Variants in GRXCR1 observed in about 807,000 individuals in gnomAD.
The protein encoded by GRXCR1 is glutaredoxin and cysteine rich domain containing 1, also known as glutaredoxin domain-containing cysteine-rich protein 1.
In GRXCR1, 27 loss-of-function variants were observed where a neutral mutation model predicts 27.3. The observed-to-expected ratio is 0.99, with a 90% CI of 0.73 to 1.37. The LOEUF (loss-of-function observed/expected upper bound fraction) is 1.37, where lower values mean the gene tolerates loss of function less well. Among genes scored for constraint, GRXCR1 ranks in the 40% most tolerant of loss-of-function variants. The pLI, the probability that GRXCR1 is intolerant of heterozygous loss-of-function variation, is 0.00. For synonymous variants in GRXCR1, 122 were observed against 131.1 expected, an observed-to-expected ratio of 0.93 and a Z score of 0.47; for missense variants, 379 against 354.4, an observed-to-expected ratio of 1.07 and a Z score of -0.56.
chr4:42,988,362 A>C (rs769146964), intron 2 of GRXCR1, among the ~76,000 whole-genome samples: 9 of 152,226 alleles, frequency 5.9e-5, no homozygotes, highest in Non-Finnish European at 1.3e-4. Flanking sequence ...AGATATAATA[A>C]AAATAAAAAT....
At chr4:42,912,049 G>A (rs2109745490) in intron 1 of GRXCR1, among the ~76,000 whole-genome samples, 1 of 152,236 alleles carries the variant, frequency 6.6e-6, no homozygotes, top group African/African-American at 2.4e-5. Flanking sequence ...CAAAGATAGG[G>A]TGAATGTATA....
intron 3 of GRXCR1, among the ~76,000 whole-genome samples, chr4:43,024,341 C>T (rs915902327): frequency 6.6e-5 from 10 of 152,098 alleles, no homozygotes; most frequent in African/African-American, 2.4e-4. Context: ...CACAGACTGT[C>T]TGTGCAAGGT....
intron 1 of GRXCR1, among the ~76,000 whole-genome samples, chr4:42,909,090 T>C (rs1003002655): frequency 6.6e-6 from 1 of 152,204 alleles, no homozygotes; most frequent in Non-Finnish European, 1.5e-5. Context: ...GAATCACAAC[T>C]GCTTGTAAAA....
intron 1 of GRXCR1, among the ~76,000 whole-genome samples, chr4:42,913,557 T>C (rs1746811996): frequency 6.6e-6 from 1 of 152,074 alleles, no homozygotes; most frequent in African/African-American, 2.4e-5. Context: ...TCAAGAGGAA[T>C]TGGAGCATGA....
At chr4:42,985,588 A>G (rs544090495) in intron 2 of GRXCR1, among the ~76,000 whole-genome samples, 78 of 152,096 alleles carry the variant, frequency 5.1e-4, no homozygotes, top group South Asian at 1.5e-3. Context: ...GAGATTTAGT[A>G]TTCTCTCAAC....
intron 2 of GRXCR1, among the ~76,000 whole-genome samples, chr4:42,970,670 A>G (rs1748363844): frequency 6.6e-6 from 1 of 152,218 alleles, no homozygotes; most frequent in South Asian, 2.1e-4. Context: ...GGCCCATGAA[A>G]TTATTTTTTC....
At chr4:42,915,918 T>C (rs1409463863) in intron 1 of GRXCR1, among the ~76,000 whole-genome samples, 1 of 152,104 alleles carries the variant, frequency 6.6e-6, no homozygotes, top group Non-Finnish European at 1.5e-5. Flanking sequence ...CTTGGAACTT[T>C]GGGTTGGAGG....
chr4:43,002,363 G>A (rs1036841311), intron 2 of GRXCR1, among the ~76,000 whole-genome samples: 5 of 152,234 alleles, frequency 3.3e-5, no homozygotes, highest in African/African-American at 9.6e-5. Context: ...CTGGTTTATT[G>A]AGACTAGAGA....
intron 1 of GRXCR1, among the ~76,000 whole-genome samples, chr4:42,910,605 G>A (rs189491779): frequency 3.9e-4 from 60 of 152,216 alleles, no homozygotes; most frequent in African/African-American, 1.1e-3. Flanking sequence ...TACAAACTGC[G>A]CATAAAACTG....
intron 2 of GRXCR1, among the ~76,000 whole-genome samples, chr4:42,974,926 A>G (rs542536169): frequency 6.6e-6 from 1 of 152,218 alleles, no homozygotes; most frequent in South Asian, 2.1e-4. Context: ...GAAAACCTTG[A>G]GATCTTATTG....
chr4:42,906,701 G>A (rs1269791265), intron 1 of GRXCR1, among the ~76,000 whole-genome samples: 1 of 152,146 alleles, frequency 6.6e-6, no homozygotes, highest in Non-Finnish European at 1.5e-5. Context: ...AGTAGTATTA[G>A]CAATACAAGC....
At chr4:42,997,570 G>A (rs969129149) in intron 2 of GRXCR1, among the ~76,000 whole-genome samples, 3 of 152,172 alleles carry the variant, frequency 2.0e-5, no homozygotes, top group African/African-American at 7.2e-5. Context: ...TCAAGAACGA[G>A]TCTTGATTGC....
chr4:43,006,754 G>A (rs28505849), intron 2 of GRXCR1, among the ~76,000 whole-genome samples: 1,921 of 152,276 alleles, frequency 0.013, 45 homozygotes, highest in African/African-American at 0.044. Flanking sequence ...AGTACTTGAT[G>A]TCTGTGACCC....
intron 2 of GRXCR1, among the ~76,000 whole-genome samples, chr4:42,974,566 A>C (rs1001676896): frequency 3.9e-5 from 6 of 151,962 alleles, no homozygotes; most frequent in Admixed American, 3.9e-4. Context: ...TTCTTCCCCC[A>C]ACTTCTTTCC....
intron 2 of GRXCR1, among the ~76,000 whole-genome samples, chr4:43,011,392 C>T (rs1577944491): frequency 6.6e-6 from 1 of 152,122 alleles, no homozygotes; most frequent in African/African-American, 2.4e-5. Context: ...GCCTCTGCTC[C>T]CTTCCTCCTG....
intron 1 of GRXCR1, among the ~76,000 whole-genome samples, chr4:42,928,438 C>A (rs975691254): frequency 1.3e-5 from 2 of 151,970 alleles, no homozygotes; most frequent in Admixed American, 6.6e-5. Flanking sequence ...TGGTCTTCTG[C>A]CTCCCCAGAG....
At chr4:42,901,206 A>C (rs1038233439) in intron 1 of GRXCR1, among the ~76,000 whole-genome samples, 6 of 152,222 alleles carry the variant, frequency 3.9e-5, no homozygotes, top group African/African-American at 1.4e-4. Flanking sequence ...ACTGAACAAC[A>C]ATTACTACTC....
chr4:42,978,220 A>G (rs996479264), intron 2 of GRXCR1, among the ~76,000 whole-genome samples: 11 of 152,102 alleles, frequency 7.2e-5, no homozygotes, highest in African/African-American at 2.4e-4. Flanking sequence ...GCTTTGTAGC[A>G]TAACTTGAAG....
At chr4:42,911,846 A>G (rs1199525156) in intron 1 of GRXCR1, among the ~76,000 whole-genome samples, 1 of 152,200 alleles carries the variant, frequency 6.6e-6, no homozygotes. Context: ...CTTCTGTTAC[A>G]TGTGATATAA....
Sources: gnomAD v4.1 joint callset for allele counts (sites outside exome capture counted in the v4.1 genomes callset) on GRCh38, gnomAD v4.1.1 for gene constraint, MANE v1.5 for transcripts, NCBI Gene and HGNC (gene_info 2026-07-23, HGNC 2026-07-21) for gene names.